RARB: variants seen among roughly 807,000 people sequenced by gnomAD.
RARB encodes the protein retinoic acid receptor beta, also known as HBV-activated protein.
In RARB, 17 loss-of-function variants were observed where a neutral mutation model predicts 51.9. The observed-to-expected ratio is 0.33, with a 90% confidence interval of 0.22 to 0.49. The LOEUF is 0.49. Among genes scored for constraint, RARB ranks in the 20% least tolerant of loss-of-function variants. The pLI is 0.99. For synonymous variants in RARB, 215 were observed against 195.4 expected, an observed-to-expected ratio of 1.10 and a Z score of -0.84; for missense variants, 369 against 550.8, an observed-to-expected ratio of 0.67 and a Z score of 3.30.
intron 5 of RARB, among the ~76,000 whole-genome samples, chr3:25,309,421 G>A (rs1219412364): frequency 6.7e-6 from 1 of 148,656 alleles, no homozygotes; most frequent in African/African-American, 2.5e-5. Context: ...TAACAGGCGT[G>A]AGCCACCATG....
At chr3:25,034,555 A>G (rs1312901659) in intron 2 of RARB, among the ~76,000 whole-genome samples, 1 of 152,242 alleles carries the variant, frequency 6.6e-6, no homozygotes, top group Non-Finnish European at 1.5e-5. Flanking sequence ...TAGATGTGCA[A>G]AGAGTAAACC....
At chr3:25,023,578 A>G (rs999780855) in intron 2 of RARB, among the ~76,000 whole-genome samples, 3 of 152,172 alleles carry the variant, frequency 2.0e-5, no homozygotes, top group East Asian at 1.9e-4. Flanking sequence ...CTGTGTACCA[A>G]TCAAAACTAG....
chr3:25,334,133 A>G (rs1366691996), intron 5 of RARB, among the ~76,000 whole-genome samples: 1 of 152,198 alleles, frequency 6.6e-6, no homozygotes, highest in African/African-American at 2.4e-5. Flanking sequence ...TTCCTCAGGG[A>G]TCTAGAACTA....
intron 2 of RARB, among the ~76,000 whole-genome samples, chr3:24,897,679 G>A (rs908324133): frequency 1.3e-5 from 2 of 151,128 alleles, no homozygotes; most frequent in Non-Finnish European, 2.9e-5. Flanking sequence ...TATACTCAAT[G>A]AAATCTTAAA....
At chr3:25,476,917 C>A (rs1461823795) in intron 2 of RARB, among the ~76,000 whole-genome samples, 1 of 152,198 alleles carries the variant, frequency 6.6e-6, no homozygotes, top group Admixed American at 6.5e-5. Flanking sequence ...CTTTGTAAGT[C>A]TTGTTCACTT....
rs1695404608 is a variant in RARB, at chr3:24,929,937, G to C, written c.-380+71185G>C. Among the ~76,000 whole-genome samples, 3 of 151,994 alleles carry C rather than the reference G, an allele frequency of 2.0e-5. 1 individual carries two copies. In the East Asian group the frequency reaches 5.8e-4, roughly 29 times the overall value. On this transcript the variant is annotated intron_variant, in intron 2 of 11. Transcript: ENST00000383772. ...ATCTTGTTTTACCTATTTTAATGCT[G>C]TTCTTGTTTTTTCTCTTGTTTCTGA...
At chr3:25,511,298 A>G (rs538105719) in intron 3 of RARB, among the ~76,000 whole-genome samples, 107 of 152,104 alleles carry the variant, frequency 7.0e-4, no homozygotes, top group Non-Finnish European at 1.3e-3. Context: ...ACGCTCGGCT[A>G]ATTTTTTGTA....
intron 2 of RARB, among the ~76,000 whole-genome samples, chr3:24,901,642 G>A (rs1703608807): frequency 6.6e-6 from 1 of 152,200 alleles, no homozygotes; most frequent in Non-Finnish European, 1.5e-5. Flanking sequence ...CAGATTTTAT[G>A]AGAGTGAATA....
chr3:25,050,895 C>G (rs1698319521), intron 2 of RARB, among the ~76,000 whole-genome samples: 1 of 152,046 alleles, frequency 6.6e-6, no homozygotes, highest in Admixed American at 6.6e-5. Context: ...GTTGACCATC[C>G]ACTCCTCTTC....
At chr3:24,899,768 T>C (rs757868062) in intron 2 of RARB, among the ~76,000 whole-genome samples, 73 of 152,294 alleles carry the variant, frequency 4.8e-4, no homozygotes, top group Non-Finnish European at 7.9e-4. Context: ...AAGGAAAATA[T>C]AATAAAGCTC....
intron 5 of RARB, among the ~76,000 whole-genome samples, chr3:25,402,989 C>A (rs1046969257): frequency 5.9e-5 from 9 of 151,900 alleles, no homozygotes; most frequent in African/African-American, 2.2e-4. Flanking sequence ...ATAGTGAAAC[C>A]CCATCTCTAC....
At chr3:24,955,907 C>T (rs762783862) in intron 2 of RARB, among the ~76,000 whole-genome samples, 1 of 152,108 alleles carries the variant, frequency 6.6e-6, no homozygotes, top group Non-Finnish European at 1.5e-5. Context: ...TCTCTCTGGG[C>T]ATAGGGATGA....
At chr3:25,392,386 T>C (rs1706990317) in intron 5 of RARB, among the ~76,000 whole-genome samples, 1 of 152,128 alleles carries the variant, frequency 6.6e-6, no homozygotes, top group African/African-American at 2.4e-5. Flanking sequence ...TTTTTTTGGT[T>C]CCATATGAAT....
At chr3:25,001,745 A>G (rs564533340) in intron 2 of RARB, among the ~76,000 whole-genome samples, 2 of 152,310 alleles carry the variant, frequency 1.3e-5, no homozygotes, top group Non-Finnish European at 2.9e-5. Context: ...TCATTTGCAC[A>G]TGATTTTTTA....
chr3:24,920,680 G>T (rs1051260401), intron 2 of RARB, among the ~76,000 whole-genome samples: 1 of 152,138 alleles, frequency 6.6e-6, no homozygotes, highest in Non-Finnish European at 1.5e-5. Context: ...CCTACACTGT[G>T]TTGAGTTCCA....
intron 2 of RARB, among the ~76,000 whole-genome samples, chr3:24,958,991 C>T (rs1696082368): frequency 6.6e-6 from 1 of 152,194 alleles, no homozygotes; most frequent in African/African-American, 2.4e-5. Flanking sequence ...GCAAGTGCTT[C>T]TGAGCATCAG....
At chr3:25,363,221 C>A (rs753595203) in intron 5 of RARB, among the ~76,000 whole-genome samples, 1 of 151,972 alleles carries the variant, frequency 6.6e-6, no homozygotes, top group Non-Finnish European at 1.5e-5. Context: ...GAGGTATAAG[C>A]GAAGTGTTAT....
At chr3:25,122,286 T>G (rs1177554290) in intron 3 of RARB, among the ~76,000 whole-genome samples, 1 of 152,104 alleles carries the variant, frequency 6.6e-6, no homozygotes, top group Admixed American at 6.6e-5. Flanking sequence ...ATTGTATTAG[T>G]AATGATTAAG....
rs943778475 is a variant in RARB at position 25,533,527 on chromosome 3, A to G, written c.448+32204A>G. Among the ~76,000 whole-genome samples the G allele has an allele frequency of 5.9e-5, 9 of 152,322 alleles. No homozygotes were observed. The East Asian group carries it at 1.7e-3, about 29-fold the overall frequency. On this transcript the variant is annotated intron_variant, in intron 3 of 7. Coordinates refer to ENST00000330688, the MANE Select transcript of RARB (RefSeq NM_000965.5). ...GTATAGCACATGGAATGCAAGATAA[A>G]GTTTGGATATGTTTGATTAGTGAGA...
Sources: allele counts gnomAD v4.1 joint callset (sites outside exome capture counted in the v4.1 genomes callset), GRCh38; gene constraint gnomAD v4.1.1; transcripts MANE v1.5; gene names NCBI Gene and HGNC (gene_info 2026-07-23, HGNC 2026-07-21).